Variants in ESRRG observed in about 807,000 individuals in gnomAD.
The protein encoded by ESRRG is estrogen-related receptor gamma.
A neutral mutation model predicts 44.0 loss-of-function variants in ESRRG; 13 were observed. That is an observed-to-expected ratio of 0.30 (90% confidence interval 0.19 to 0.47). The LOEUF is 0.47. Among genes scored for constraint, ESRRG ranks in the 20% least tolerant of loss-of-function variants. The pLI is 1.00. For synonymous variants in ESRRG, 215 were observed against 214.6 expected (o/e 1.00, Z -0.02); for missense variants, 395 against 580.6 (o/e 0.68, Z 3.29).
intron 1 of ESRRG, among the ~76,000 whole-genome samples, chr1:217,128,036 G>A (rs1470684329): frequency 6.6e-6 from 1 of 152,160 alleles, no homozygotes; most frequent in Non-Finnish European, 1.5e-5. Flanking sequence ...GGCCACGCAA[G>A]AGCACTGTGC....
chr1:216,760,298 A>T (rs1323616129), intron 2 of ESRRG, among the ~76,000 whole-genome samples: 1 of 152,018 alleles, frequency 6.6e-6, no homozygotes. Flanking sequence ...GAGATAGAAT[A>T]TTTATATTCT....
chr1:216,841,238 A>C (rs1311879016), intron 2 of ESRRG, among the ~76,000 whole-genome samples: 1 of 152,006 alleles, frequency 6.6e-6, no homozygotes, highest in East Asian at 1.9e-4. Context: ...GCATCAGCAC[A>C]GAGGAGAGAG....
intron 2 of ESRRG, among the ~76,000 whole-genome samples, chr1:216,881,328 T>C (rs190029176): frequency 1.3e-5 from 2 of 152,320 alleles, no homozygotes; most frequent in East Asian, 3.9e-4. Flanking sequence ...CGTCCTCATC[T>C]GAAGAAATTA....
At chr1:216,734,374 G>A (rs561966254) in intron 2 of ESRRG, among the ~76,000 whole-genome samples, 23 of 152,216 alleles carry the variant, frequency 1.5e-4, no homozygotes, top group Admixed American at 3.3e-4. Context: ...GGAGGTGTTC[G>A]GGTCATGAGG....
At chr1:216,801,775 T>C (rs188643656) in intron 2 of ESRRG, among the ~76,000 whole-genome samples, 20 of 152,308 alleles carry the variant, frequency 1.3e-4, no homozygotes, top group Non-Finnish European at 2.6e-4. Flanking sequence ...TTACCCATTC[T>C]TTTAAAAATT....
At chr1:216,646,055 A>C (rs1044772752) in intron 3 of ESRRG, among the ~76,000 whole-genome samples, 22 of 151,902 alleles carry the variant, frequency 1.4e-4, no homozygotes, top group Non-Finnish European at 2.9e-4. Context: ...TTCAAGACAA[A>C]GGAGTAAGTT....
chr1:216,723,604 A>G (rs554326780), upstream of ESRRG: 689 of 393,424 alleles, frequency 1.8e-3, 5 homozygotes, highest in Non-Finnish European at 2.4e-3. Context: ...GCAGGTAGGC[A>G]GGGTGCAGAG....
At chr1:216,966,599 C>CCTTCCATGCCTTTT (rs371500488) in intron 1 of ESRRG, among the ~76,000 whole-genome samples, 1 of 152,134 alleles carries the variant, frequency 6.6e-6, no homozygotes, top group Non-Finnish European at 1.5e-5. Context: ...GGATGGCCTT[C>CCTTCCATGCCTTTT]CTTCCATGCC....
intron 3 of ESRRG, among the ~76,000 whole-genome samples, chr1:216,577,503 A>G (rs1001026405): frequency 6.6e-6 from 1 of 152,094 alleles, no homozygotes; most frequent in African/African-American, 2.4e-5. Context: ...TAAATGTGAC[A>G]CTGGCAGCAA....
At chr1:217,008,494 A>G (rs2078084334) in intron 1 of ESRRG, among the ~76,000 whole-genome samples, 1 of 152,072 alleles carries the variant, frequency 6.6e-6, no homozygotes, top group South Asian at 2.1e-4. Context: ...TGGCATAGGC[A>G]ACATACTACA....
intron 1 of ESRRG, among the ~76,000 whole-genome samples, chr1:217,114,377 T>C (rs2092695889): frequency 6.6e-6 from 1 of 152,046 alleles, no homozygotes; most frequent in African/African-American, 2.4e-5. Flanking sequence ...TCTTGCATTC[T>C]TGCTGCACAG....
chr1:217,069,880 A>G (rs1353017836), intron 1 of ESRRG, among the ~76,000 whole-genome samples: 1 of 152,228 alleles, frequency 6.6e-6, no homozygotes, highest in Non-Finnish European at 1.5e-5. Context: ...GTTGTAAATC[A>G]CAACCCTCAC....
In ESRRG at chr1:217,113,510, C is replaced by T. The variant is rs78359659; in HGVS notation, c.-230+24157G>A. On this transcript the variant is annotated intron_variant, in intron 1 of 8. Coordinates refer to the ESRRG transcript ENST00000366940. ...AAGGAACTACTCCTCTCCCCAGGAG[C>T]CCATCCACATATGGACATGATTTAG... is the stretch of plus-strand genomic sequence containing the variant. 3.0e-3 allele frequency among the ~76,000 whole-genome samples: 463 copies of T among 152,292 alleles called. 3 individuals are homozygous for T. The highest frequency in any genetic ancestry group is 0.011 in the African/African-American group (441 of 41,562).
intron 6 of ESRRG, among the ~76,000 whole-genome samples, chr1:216,516,636 T>TACACACACACACAC (rs779496209): frequency 0.024 from 3,095 of 130,330 alleles, 112 homozygotes; most frequent in East Asian, 0.086. Context: ...CACACACACA[T>TACACACACACACAC]ACACACACAC....
intron 2 of ESRRG, among the ~76,000 whole-genome samples, chr1:216,829,549 GT>G (rs66515526): frequency 0.76 from 103,185 of 135,576 alleles, 39,012 homozygotes; most frequent in African/African-American, 0.88. Context: ...AAATGCCACA[GT>G]TTTTTTTTTT....
chr1:217,068,649 G>T (rs1407931143), intron 1 of ESRRG, among the ~76,000 whole-genome samples: 2 of 152,092 alleles, frequency 1.3e-5, no homozygotes, highest in Non-Finnish European at 2.9e-5. Flanking sequence ...ATTATTAGAA[G>T]AAATACATCG....
At chr1:217,013,404 A>G (rs1009828152) in intron 1 of ESRRG, among the ~76,000 whole-genome samples, 1 of 152,228 alleles carries the variant, frequency 6.6e-6, no homozygotes, top group Non-Finnish European at 1.5e-5. Flanking sequence ...ACAAGTATAA[A>G]TTTGGCAAAG....
chr1:216,555,669 C>A (rs1205464860), intron 5 of ESRRG, among the ~76,000 whole-genome samples: 1 of 152,082 alleles, frequency 6.6e-6, no homozygotes, highest in Non-Finnish European at 1.5e-5. Flanking sequence ...AGCTGCCACA[C>A]AATTTATATC....
At chr1:216,580,205 A>ACTAT (rs1290679581) in intron 3 of ESRRG, among the ~76,000 whole-genome samples, 3 of 152,246 alleles carry the variant, frequency 2.0e-5, no homozygotes, top group Non-Finnish European at 4.4e-5. Context: ...CATGCTTTAC[A>ACTAT]GCCATGCACT....
Sources: gnomAD v4.1 joint callset for allele counts (sites outside exome capture counted in the v4.1 genomes callset) on GRCh38, gnomAD v4.1.1 for gene constraint, MANE v1.5 for transcripts, NCBI Gene and HGNC (gene_info 2026-07-23, HGNC 2026-07-21) for gene names.